Variants in ZNF3 observed in about 807,000 individuals in gnomAD.
ZNF3 encodes zinc finger protein 3, also known as C2-H2 type zinc finger protein.
A neutral mutation model predicts 36.9 loss-of-function variants in ZNF3; 16 were observed. The observed-to-expected ratio is 0.43, with a 90% CI of 0.29 to 0.66. The LOEUF (loss-of-function observed/expected upper bound fraction) is 0.66, where lower values mean the gene tolerates loss of function less well. Ranked by LOEUF, ZNF3 falls within the 30% of genes least tolerant of loss-of-function variation. The probability of loss-of-function intolerance (pLI) is 0.13; values close to 1 mark genes in which losing one functional copy is unlikely to be tolerated. For missense variants in ZNF3, 462 were observed against 543.1 expected (o/e 0.85, Z 1.48); for synonymous variants, 201 against 201.9 (o/e 1.00, Z 0.04).
In ZNF3 at chr7:100,075,068, T is replaced by C. The variant is rs1793847648; in HGVS notation, c.271+67A>G. 3.3e-6 allele frequency: 5 copies of C among 1,526,586 alleles called. No individual in the cohort carries two copies. In the Admixed American group the frequency reaches 8.6e-5, roughly 26 times the overall value. The allele number at this position is 1,526,586 out of a possible 1,614,324, so 94.6% of individuals were successfully genotyped here. A position where few individuals can be genotyped will look rare whatever the true frequency, so the allele number is the denominator to read the frequency against. On this transcript the variant is annotated intron_variant, in intron 5 of 5. Transcript: ENST00000299667. ...GAAACAGCTCTTTTCAGTGACTAGATTGTTACTAGCAAACGAAGAAGCAAA... is the reference window on the plus strand; with the variant it reads ...GAAACAGCTCTTTTCAGTGACTAGACTGTTACTAGCAAACGAAGAAGCAAA...
downstream of ZNF3, among the ~76,000 whole-genome samples, chr7:100,066,824 C>T (rs1792677212): frequency 6.6e-6 from 1 of 152,072 alleles, no homozygotes; most frequent in Non-Finnish European, 1.5e-5. Flanking sequence ...CACCTGAAAT[C>T]AGGAGTTTGA....
chr7:100,064,761 C>T (rs1397374431), exon 6 of ZNF3: 2 of 1,614,092 alleles, frequency 1.2e-6, no homozygotes, highest in Admixed American at 3.3e-5. Flanking sequence ...GTGCGAGCTC[C>T]ACAGCAACAT....
In ZNF3 at chr7:100,071,609, G is replaced by T; in HGVS notation, c.875C>A (p.Thr292Asn). 6.2e-7 allele frequency: 1 copy of T among 1,613,940 alleles called. No homozygotes were observed. The highest frequency in any genetic ancestry group is 8.5e-7 in the Non-Finnish European group (1 of 1,179,980). The change falls in exon 6 of 6, where the codon ACC (threonine) becomes AAC (asparagine). Residue 292 changes from threonine (T) to asparagine (N), a missense_variant. By Grantham distance (65) the Thr-to-Asn change is moderately conservative. Coordinates refer to ENST00000299667, the MANE Select transcript of ZNF3 (RefSeq NM_032924.5). The part of the protein sequence containing the change: ...KPYECNECGK[T>N]FSWSSTLTHH... ...GGTGAGGGTGGAGCTCCAGCTGAAG[G>T]TCTTCCCACACTCATTACATTCATA...
Position 100,076,292 on chromosome 7 carries a change from CT to C in ZNF3, c.56-663del, listed in dbSNP as rs879868716. Among the ~76,000 whole-genome samples, 202 of 145,476 alleles carry C rather than the reference CT, an allele frequency of 1.4e-3. 1 individual carries two copies. The highest frequency in any genetic ancestry group is 2.9e-3 in the African/African-American group (115 of 39,886). On this transcript the variant is annotated intron_variant, in intron 3 of 5. Transcript: ENST00000299667. ...GAATCTCTTACCTTTTTCTGCAATT[CT>C]TTTTTTTTTTTCTTTTTGAGGTGGC...
intron 2 of ZNF3, chr7:100,078,987 G>A (rs933054345): frequency 1.3e-5 from 2 of 152,354 alleles, no homozygotes. Flanking sequence ...GCAAGTTTGG[G>A]CAACTCTGGT....
chr7:100,064,248 G>T, exon 6 of ZNF3: 11 of 1,614,118 alleles, frequency 6.8e-6, no homozygotes, highest in Non-Finnish European at 9.3e-6. Context: ...TTAAACATCA[G>T]AGAATGCACA....
exon 6 of ZNF3, chr7:100,064,368 C>G: frequency 6.2e-7 from 1 of 1,614,030 alleles, no homozygotes; most frequent in East Asian, 2.2e-5. Context: ...ATCAGTGTAA[C>G]GAATGTGGGA....
chr7:100,068,313 C>T (rs1792748369), downstream of ZNF3, among the ~76,000 whole-genome samples: 1 of 152,084 alleles, frequency 6.6e-6, no homozygotes, highest in South Asian at 2.1e-4. Flanking sequence ...AAACTCTCAC[C>T]TCGTGATCCG....
rs748413844 is a variant in ZNF3 at position 100,071,148 on chromosome 7, T to C, written c.1336A>G (p.Thr446Ala). 1.3e-6 allele frequency: 2 copies of C among 1,582,174 alleles called. No individual in the cohort carries two copies. Among genetic ancestry groups the C allele is most frequent in the Admixed American group, 3.5e-5 (2 of 56,408 alleles). ...VTTELNIRES[T>A] ...AAAATGGGTGTGTGGCTCTTTCACGTGGACTCTCTGATATTTAACTCGGTC... is the reference window on the plus strand; with the variant it reads ...AAAATGGGTGTGTGGCTCTTTCACGCGGACTCTCTGATATTTAACTCGGTC... Residue 446 changes from threonine to alanine, a missense_variant, in exon 6 of 6, where the codon ACG becomes GCG. Physicochemically the swap from Thr to Ala is moderately conservative, Grantham distance 58. Coordinates refer to ENST00000299667, the MANE Select transcript of ZNF3 (RefSeq NM_032924.5).
At chr7:100,082,498 A>C (rs1795091360), upstream of ZNF3, 1 of 152,516 alleles carries the variant, frequency 6.6e-6, no homozygotes, top group Non-Finnish European at 1.5e-5. Flanking sequence ...AGACAGGAGA[A>C]TCGCTTGAAC....
chr7:100,074,982 G>C (rs766848527), intron 5 of ZNF3, among the ~76,000 whole-genome samples, 153 bp downstream of exon 5: 7 of 152,166 alleles, frequency 4.6e-5, no homozygotes, highest in Non-Finnish European at 7.3e-5. Flanking sequence ...ACTTGAATCT[G>C]GGAGATGGAT....
intron 2 of ZNF3, among the ~76,000 whole-genome samples, chr7:100,078,422 G>A (rs1448458133): frequency 6.6e-6 from 1 of 151,598 alleles, no homozygotes; most frequent in Non-Finnish European, 1.5e-5. Flanking sequence ...CTTGATCCCA[G>A]GAGGTGGAGG....
intron 3 of ZNF3, 31 bp from the exon 4 acceptor site, chr7:100,075,661 G>A: frequency 6.2e-7 from 1 of 1,608,442 alleles, no homozygotes; most frequent in Non-Finnish European, 8.5e-7. Flanking sequence ...CCAGGAATGA[G>A]TCCATCTGCT....
intron 3 of ZNF3, chr7:100,076,930 G>T (rs1424469757): frequency 5.6e-6 from 1 of 178,570 alleles, no homozygotes; most frequent in East Asian, 1.4e-4. Context: ...AATTAGCCGG[G>T]CATGGTGACG....
downstream of ZNF3, among the ~76,000 whole-genome samples, chr7:100,069,213 C>T (rs890937820): frequency 1.3e-5 from 2 of 150,182 alleles, no homozygotes; most frequent in Admixed American, 6.6e-5. Context: ...CTGCCTTGGC[C>T]TCCCTAAGTG....
At chr7:100,064,409 C>A (rs1349022500) in exon 6 of ZNF3, 1 of 1,613,628 alleles carries the variant, frequency 6.2e-7, no homozygotes, top group Non-Finnish European at 8.5e-7. Context: ...GGCCTCAGCT[C>A]CCACCAGAGA....
chr7:100,069,475 C>A (rs1219150249), downstream of ZNF3, among the ~76,000 whole-genome samples: 1 of 151,280 alleles, frequency 6.6e-6, no homozygotes, highest in East Asian at 1.9e-4. Flanking sequence ...GTGCTTGAAC[C>A]CGGGAGGCAG....
At position 100,071,447 on chromosome 7, in the gene ZNF3, C is replaced by G; in HGVS notation, c.1037G>C (p.Gly346Ala). 2 of 1,614,158 alleles carry G rather than the reference C, an allele frequency of 1.2e-6. No individual in the cohort carries two copies. The highest frequency in any genetic ancestry group is 1.7e-6 in the Non-Finnish European group (2 of 1,180,014). The change falls in exon 6 of 6, where the codon GGG becomes GCG. Residue 346 changes from glycine (G) to alanine (A), a missense_variant. Physicochemically the swap from Gly to Ala is moderately conservative, Grantham distance 60. Transcript: ENST00000299667. Reference sequence around the variant, plus strand: ...GTGTGAGCTCTGGCTGAAGGCTTTCCCACATTCATTACATTCATAGGGTTT... The same window carrying G: ...GTGTGAGCTCTGGCTGAAGGCTTTCGCACATTCATTACATTCATAGGGTTT... ...GEKPYECNEC[G>A]KAFSQSSHLY...
At chr7:100,072,644 C>G (rs1431781851) in intron 5 of ZNF3, among the ~76,000 whole-genome samples, 2 of 152,130 alleles carry the variant, frequency 1.3e-5, no homozygotes, top group African/African-American at 2.4e-5. Flanking sequence ...TGAGGAGAGA[C>G]AGCAGCAGCG....
Sources: gnomAD v4.1 joint callset for allele counts (sites outside exome capture counted in the v4.1 genomes callset) on GRCh38, gnomAD v4.1.1 for gene constraint, MANE v1.5 for transcripts, NCBI Gene and HGNC (gene_info 2026-07-23, HGNC 2026-07-21) for gene names.